The following DYSF variants were observed in gnomAD, a reference collection of about 807,000 sequenced individuals.
DYSF encodes the protein dystrophy-associated fer-1-like 1.
Under a neutral mutation model 274.9 loss-of-function variants are expected in DYSF, and 212 were observed. The observed-to-expected ratio is 0.77, with a 90% CI of 0.69 to 0.86. The LOEUF (loss-of-function observed/expected upper bound fraction) is 0.86. Among genes scored for constraint, DYSF ranks in the 40% least tolerant of loss-of-function variants. DYSF has a pLI of 0.00. For missense variants in DYSF, 2,666 were observed against 2,783.2 expected (o/e 0.96, Z 0.95); for synonymous variants, 1,091 against 1,078.7 (o/e 1.01, Z -0.22).
chr2:71,525,248 G>T (rs2087733650), intron 12 of DYSF, among the ~76,000 whole-genome samples: 2 of 151,898 alleles, frequency 1.3e-5, no homozygotes, highest in South Asian at 4.2e-4. Context: ...GGGGCGGGGG[G>T]CGGTCTCACT....
At chr2:71,519,811 G>GTTTTTTTTTTTTTTTTTTTTTT (rs70959241) in intron 10 of DYSF, among the ~76,000 whole-genome samples, 1 of 102,286 alleles carries the variant, frequency 9.8e-6, no homozygotes, top group Non-Finnish European at 1.9e-5. Flanking sequence ...CACCCGGCTA[G>GTTTTTTTTTTTTTTTTTTTTTT]TTTTTTTTTT....
chr2:71,500,258 C>G (rs1054099835), intron 3 of DYSF, among the ~76,000 whole-genome samples: 1 of 152,180 alleles, frequency 6.6e-6, no homozygotes, highest in Non-Finnish European at 1.5e-5. Flanking sequence ...CACCTCTCCT[C>G]CCTGAGCAAT....
At chr2:71,618,048 G>A (rs2093952389) in intron 40 of DYSF, among the ~76,000 whole-genome samples, 2 of 118,474 alleles carry the variant, frequency 1.7e-5, no homozygotes, top group Admixed American at 8.7e-5. Flanking sequence ...TGGTGTGTGT[G>A]TGTGTGTGTG....
At chr2:71,635,339 C>T (rs1558683833) in intron 41 of DYSF, among the ~76,000 whole-genome samples, 1 of 152,162 alleles carries the variant, frequency 6.6e-6, no homozygotes, top group Non-Finnish European at 1.5e-5. Context: ...CCAAGGATCA[C>T]CCCCTCTTTC....
At chr2:71,685,275 G>A (rs2095343337) in intron 55 of DYSF, among the ~76,000 whole-genome samples, 1 of 152,210 alleles carries the variant, frequency 6.6e-6, no homozygotes, top group Admixed American at 6.5e-5. Flanking sequence ...GAGTTCTTCT[G>A]GAAGTTGTCC....
rs971340345 is a variant in DYSF at position 71,570,423 on chromosome 2, C to G, written c.3085+89C>G. On this transcript the variant is annotated intron_variant, in intron 28 of 55. Coordinates refer to ENST00000410020, the MANE Select transcript of DYSF (RefSeq NM_001130987.2). ...GACGACTGAATGCCAGGGCCCTTCA[C>G]TGGGCTATTTCACCCAGGGACGCTT... 3 of 1,474,332 alleles carry G rather than the reference C, an allele frequency of 2.0e-6. No homozygotes were observed. In the African/African-American group the frequency reaches 4.1e-5, roughly 20 times the overall value. The allele number at this position is 1,474,332 out of a possible 1,614,324, so 91.3% of individuals were successfully genotyped here. A position where few individuals can be genotyped will look rare whatever the true frequency, so the allele number is the denominator to read the frequency against.
At chr2:71,561,641 C>T (rs951840212) in intron 22 of DYSF, 111 bp from the exon 23 acceptor site, 80 of 1,307,240 alleles carry the variant, frequency 6.1e-5, no homozygotes, top group Non-Finnish European at 8.6e-5. Flanking sequence ...AGGCACCCAG[C>T]AGGCAGGCGG....
chr2:71,645,106 T>G (rs565056045), intron 42 of DYSF, among the ~76,000 whole-genome samples: 2 of 152,314 alleles, frequency 1.3e-5, no homozygotes, highest in South Asian at 2.1e-4. Context: ...GAGGACTATT[T>G]CAGCTTAGCC....
intron 41 of DYSF, among the ~76,000 whole-genome samples, chr2:71,641,678 C>T (rs2094488509): frequency 1.3e-5 from 2 of 151,880 alleles, no homozygotes; most frequent in Admixed American, 6.6e-5. Flanking sequence ...AGCTACAACT[C>T]GTACGTTTTG....
chr2:71,499,389 A>G (rs758393122), intron 3 of DYSF, among the ~76,000 whole-genome samples: 17 of 152,246 alleles, frequency 1.1e-4, no homozygotes, highest in Admixed American at 3.3e-4. Context: ...TATGATGGAC[A>G]CGTGAATTGC....
intron 3 of DYSF, among the ~76,000 whole-genome samples, chr2:71,496,692 G>C (rs983120859): frequency 1.8e-4 from 28 of 152,058 alleles, no homozygotes; most frequent in African/African-American, 6.3e-4. Flanking sequence ...GCATATGAAA[G>C]GCCTGCTGGT....
intron 52 of DYSF, among the ~76,000 whole-genome samples, chr2:71,676,376 A>G (rs1024172924): frequency 1.3e-5 from 2 of 151,876 alleles, no homozygotes; most frequent in Non-Finnish European, 2.9e-5. Context: ...TTTTTATTGC[A>G]TTTAAGGTAG....
intron 3 of DYSF, among the ~76,000 whole-genome samples, chr2:71,486,684 CAGCCCTA>C (rs2083394546): frequency 6.6e-6 from 1 of 152,194 alleles, no homozygotes; most frequent in African/African-American, 2.4e-5. Flanking sequence ...ATGAGAGGGG[CAGCCCTA>C]AGCCCGAGGA....
At position 71,658,981 on chromosome 2, in the gene DYSF, G is replaced by A. The variant is rs185596534; in HGVS notation, c.4859G>A (p.Arg1620His). 1,192 of 1,614,104 alleles carry A rather than the reference G, an allele frequency of 7.4e-4. No homozygotes were observed. The highest frequency in any genetic ancestry group is 5.7e-3 in the East Asian group (256 of 44,880). Residue 1620 changes from arginine to histidine, a missense_variant, in exon 44 of 56, where the codon CGT (arginine) becomes CAT (histidine). Physicochemically the swap from Arg to His is conservative, Grantham distance 29. Coordinates refer to ENST00000410020, the MANE Select transcript of DYSF (RefSeq NM_001130987.2). Reference protein sequence around the residue: ...AAQGPQECLVRIYIVRAFGLQ... With the variant: ...AAQGPQECLVHIYIVRAFGLQ... ...CAGGGACCCCAGGAGTGCTTGGTCCGTATCTACATTGTCCGAGCATTTGGC... is the reference window on the plus strand; with the variant it reads ...CAGGGACCCCAGGAGTGCTTGGTCCATATCTACATTGTCCGAGCATTTGGC...
At chr2:71,519,018 G>C (rs1475934221) in intron 10 of DYSF, among the ~76,000 whole-genome samples, 1 of 148,882 alleles carries the variant, frequency 6.7e-6, no homozygotes, top group Non-Finnish European at 1.5e-5. Context: ...GCTTGAACCT[G>C]GGTGGCAGAG....
Position 71,526,286 on chromosome 2 carries a change from G to A in DYSF, c.1216G>A (p.Val406Ile), listed in dbSNP as rs150724610. Residue 406 changes from valine to isoleucine, a missense_variant, in exon 13 of 56, where the codon GTA becomes ATA. Transcript: ENST00000410020. ...AAGCAACCTGCTCCGGCCCACAGGC[G>A]TAGCCCTGCGAGGAGCCCACTTCTG... is the stretch of plus-strand genomic sequence containing the variant. Reference protein sequence around the residue: ...IESNLLRPTGVALRGAHFCLK... With the variant: ...IESNLLRPTGIALRGAHFCLK... The A allele has an allele frequency of 1.7e-5, 28 of 1,614,230 alleles. No homozygotes were observed. Among genetic ancestry groups the A allele is most frequent in the East Asian group, 6.7e-5 (3 of 44,880 alleles).
chr2:71,601,504 C>A lies in DYSF; in HGVS notation c.3903C>A (p.Ala1301=). 6.2e-7 allele frequency: 1 copy of A among 1,614,216 alleles called. No individual in the cohort carries two copies. The highest frequency in any genetic ancestry group is 1.1e-5 in the South Asian group (1 of 91,086). Residue 1301 remains alanine (A), a synonymous_variant, in exon 35 of 56, where the codon GCC becomes GCA. Coordinates refer to ENST00000410020, the MANE Select transcript of DYSF (RefSeq NM_001130987.2). ...CTCTCTTTTCTTCACTCCAGCCGGC[C>A]ATCCACCATATTCCTGGTTTTGAGG... ...SFELIQREKP[A]IHHIPGFEVQ...
chr2:71,586,225 C>T (rs1031417434), intron 30 of DYSF, among the ~76,000 whole-genome samples: 6 of 152,056 alleles, frequency 3.9e-5, no homozygotes, highest in African/African-American at 1.2e-4. Flanking sequence ...GAAGTTTGCC[C>T]GGATTGTGAA....
intron 30 of DYSF, 99 bp from the exon 31 acceptor site, chr2:71,589,494 G>A (rs1463341745): frequency 1.1e-6 from 1 of 932,656 alleles, no homozygotes; most frequent in African/African-American, 1.6e-5. Flanking sequence ...CGGCAGCGGA[G>A]AGATCTCCTG....
Sources: allele counts gnomAD v4.1 joint callset (sites outside exome capture counted in the v4.1 genomes callset), GRCh38; gene constraint gnomAD v4.1.1; transcripts MANE v1.5; gene names NCBI Gene and HGNC (gene_info 2026-07-23, HGNC 2026-07-21).